Variants in ZBTB47 observed in about 807,000 individuals in gnomAD.
ZBTB47 encodes zinc finger and BTB domain containing 47, also known as zinc finger and BTB domain-containing protein 47.
A neutral mutation model predicts 56.6 loss-of-function variants in ZBTB47; 24 were observed. The observed-to-expected ratio is 0.42, with a 90% CI of 0.31 to 0.60. ZBTB47 has a LOEUF of 0.60. Ranked by LOEUF, ZBTB47 falls within the 20% of genes least tolerant of loss-of-function variation. The pLI is 0.14. For synonymous variants in ZBTB47, 414 were observed against 418.9 expected (o/e 0.99, Z 0.14); for missense variants, 829 against 1,032.6 (o/e 0.80, Z 2.70).
Position 42,665,619 on chromosome 3 carries a change from C to T in ZBTB47, c.*1021C>T, listed in dbSNP as rs1261444495. Reference sequence around the variant, plus strand: ...GTCCATCTCTGCTCCCCCAAAGGCCCGCTCTAGGCCTTATCCTCCCTCTAG... The same window carrying T: ...GTCCATCTCTGCTCCCCCAAAGGCCTGCTCTAGGCCTTATCCTCCCTCTAG... On this transcript the variant is annotated 3_prime_UTR_variant, in exon 6 of 6. Coordinates refer to ENST00000232974, the MANE Select transcript of ZBTB47 (RefSeq NM_145166.4). The T allele has an allele frequency of 6.5e-6, 1 of 152,808 alleles. No individual in the cohort carries two copies. Among genetic ancestry groups the T allele is most frequent in the Non-Finnish European group, 1.5e-5 (1 of 68,182 alleles). 9.5% of individuals were successfully genotyped at this position (152,808 alleles called of 1,614,324 possible).
rs1373912942 is a variant in ZBTB47, at chr3:42,658,600, A to G, written c.245A>G (p.Asn82Ser). The G allele has an allele frequency of 4.6e-6, 7 of 1,536,904 alleles. No individual in the cohort carries two copies. The highest frequency in any genetic ancestry group is 4.1e-5 in the African/African-American group (3 of 73,062). Residue 82 changes from asparagine (N) to serine (S), a missense_variant, in exon 2 of 6, where the codon AAC (asparagine) becomes AGC (serine). By Grantham distance (46) the Asn-to-Ser change is conservative. This residue lies in a region of ZBTB47 where 120 missense variants were observed against 200.2 expected (regional missense o/e 0.60). Coordinates refer to ENST00000232974, the MANE Select transcript of ZBTB47 (RefSeq NM_145166.4). ...ATCTATACGTCCAAGCTGCTGGTCA[A>G]CGCGGCCAACGTCCACGAGGTGCTC... ...NFIYTSKLLVNAANVHEVLSA... is the reference protein window; with the variant it reads ...NFIYTSKLLVSAANVHEVLSA...
chr3:42,664,137 G>T, intron 5 of ZBTB47, 100 bp from the exon 6 acceptor site: 1 of 1,524,012 alleles, frequency 6.6e-7, no homozygotes, highest in Non-Finnish European at 8.8e-7. Flanking sequence ...AGAGCGCCGG[G>T]GCTGGGCCCC....
Position 42,663,138 on chromosome 3 carries a change from A to T in ZBTB47, c.1737+11A>T. The T allele has an allele frequency of 6.2e-7, 1 of 1,604,686 alleles. No homozygotes were observed. Among genetic ancestry groups the T allele is most frequent in the Non-Finnish European group, 8.5e-7 (1 of 1,171,728 alleles). On this transcript the variant is annotated intron_variant, in intron 4 of 5. Coordinates refer to ENST00000232974, the MANE Select transcript of ZBTB47 (RefSeq NM_145166.4). The surrounding 1 kb of genome is among the most constrained non-coding windows in gnomAD (Gnocchi z 5.1). ...CCGTTCAGATGTGAGGTGAGCTTCC[A>T]TCTCCTGCCTGGCCTGCCCGAGGGG...
At position 42,658,693 on chromosome 3, in the gene ZBTB47, C is replaced by T; in HGVS notation, c.338C>T (p.Ser113Phe). ...ASCQELLDAR[S>F]LGPPGPGTVA... ...TGCCAAGAGCTGCTGGACGCCCGCT[C>T]TCTAGGCCCACCAGGTCCGGGCACT... The change falls in exon 2 of 6, where the codon TCT becomes TTT. Residue 113 changes from serine to phenylalanine, a missense_variant. Physicochemically the swap from Ser to Phe is radical, Grantham distance 155. Coordinates refer to ENST00000232974, the MANE Select transcript of ZBTB47 (RefSeq NM_145166.4). 6.5e-7 allele frequency: 1 copy of T among 1,536,146 alleles called. No individual in the cohort carries two copies.
In ZBTB47 at chr3:42,658,904, G is replaced by A. The variant is rs964412607; in HGVS notation, c.549G>A (p.Gly183=). 7 of 1,503,580 alleles carry A rather than the reference G, an allele frequency of 4.7e-6. No individual in the cohort carries two copies. In the African/African-American group the frequency reaches 9.7e-5, roughly 21 times the overall value. 93.1% of individuals were successfully genotyped at this position (1,503,580 alleles called of 1,614,324 possible). Residue 183 remains glycine, a synonymous_variant, in exon 2 of 6, where the codon GGG becomes GGA. Coordinates refer to ENST00000232974, the MANE Select transcript of ZBTB47 (RefSeq NM_145166.4). ...TAGGTVPATI[G]PAQPFFKEEK... is the part of the protein sequence containing the mutation. ...GTGGCACAGTGCCTGCCACCATTGG[G>A]CCAGCCCAGCCCTTCTTTAAGGAGG...
rs1416336873 is a variant in ZBTB47 at position 42,666,506 on chromosome 3, C to T, written c.*1908C>T. Among the ~76,000 whole-genome samples, 1 of 152,186 alleles carries T rather than the reference C, an allele frequency of 6.6e-6. No individual in the cohort carries two copies. The highest frequency in any genetic ancestry group is 1.5e-5 in the Non-Finnish European group (1 of 68,040). On this transcript the variant is annotated 3_prime_UTR_variant, in exon 6 of 6. Transcript: ENST00000232974. ...TATTTTTAATCTCTAGTCCCAGTGC[C>T]TGGCAGCTCTTTGGAGCTGGCTCAC...
At position 42,658,545 on chromosome 3, in the gene ZBTB47, C is replaced by T; in HGVS notation, c.190C>T (p.Pro64Ser). Residue 64 changes from proline (P) to serine (S), a missense_variant, in exon 2 of 6, where the codon CCT becomes TCT. Pro to Ser is a moderately conservative substitution (Grantham distance 74). This residue lies in a region of ZBTB47 where 120 missense variants were observed against 200.2 expected (regional missense o/e 0.60). Coordinates refer to ENST00000232974, the MANE Select transcript of ZBTB47 (RefSeq NM_145166.4). ...GGAGCTGTCCCTGGAGGCACTGGCA[C>T]CTGGTGGCCTGCAGCAGATCCTCAA... ...RVELSLEALA[P>S]GGLQQILNFI... The T allele has an allele frequency of 6.5e-7, 1 of 1,537,210 alleles. No homozygotes were observed. The highest frequency in any genetic ancestry group is 8.7e-7 in the Non-Finnish European group (1 of 1,146,932).
In ZBTB47 at chr3:42,654,801, C is replaced by T; in HGVS notation, c.-82+918C>T. 1 of 676,650 alleles carries T rather than the reference C, an allele frequency of 1.5e-6. No homozygotes were observed. Among genetic ancestry groups the T allele is most frequent in the Non-Finnish European group, 1.8e-6 (1 of 547,482 alleles). The allele number at this position is 676,650 out of a possible 1,614,324, so 41.9% of individuals were successfully genotyped here. ...GGGTGGAGGGGCTGGAGGGATCTTC[C>T]CCCCTCCCCCGGTCTCCCGGCTCCA... is the stretch of plus-strand genomic sequence containing the variant. On this transcript the variant is annotated intron_variant, in intron 1 of 5. Transcript: ENST00000232974. The surrounding 1 kb of genome is among the most constrained non-coding windows in gnomAD (Gnocchi z 5.0).
chr3:42,660,183 G>A (rs541191418), intron 2 of ZBTB47, among the ~76,000 whole-genome samples: 20 of 152,260 alleles, frequency 1.3e-4, no homozygotes, highest in Non-Finnish European at 2.8e-4. Context: ...GCCACTCTGG[G>A]TGGGATGAGT....
In ZBTB47 at chr3:42,658,910, C is replaced by G. The variant is rs1451809241; in HGVS notation, c.555C>G (p.Ala185=). The G allele has an allele frequency of 5.3e-6, 8 of 1,502,292 alleles. No individual in the cohort carries two copies. The Admixed American group carries it at 8.5e-5, about 16-fold the overall frequency. The allele number at this position is 1,502,292 out of a possible 1,614,324, so 93.1% of individuals were successfully genotyped here. ...GGTVPATIGP[A]QPFFKEEKEG... Reference sequence around the variant, plus strand: ...CAGTGCCTGCCACCATTGGGCCAGCCCAGCCCTTCTTTAAGGAGGAGAAGG... The same window carrying G: ...CAGTGCCTGCCACCATTGGGCCAGCGCAGCCCTTCTTTAAGGAGGAGAAGG... The change falls in exon 2 of 6, where the codon GCC becomes GCG. Residue 185 remains alanine, a synonymous_variant. Transcript: ENST00000232974.
rs1369097178 is a variant in ZBTB47 at position 42,654,403 on chromosome 3, G to T, written c.-82+520G>T. 1 of 151,314 alleles carries T rather than the reference G, an allele frequency of 6.6e-6. No homozygotes were observed. Among genetic ancestry groups the T allele is most frequent in the Non-Finnish European group, 1.5e-5 (1 of 67,634 alleles). 9.4% of individuals were successfully genotyped at this position (151,314 alleles called of 1,614,324 possible). A position where few individuals can be genotyped will look rare whatever the true frequency, so the allele number is the denominator to read the frequency against. Reference sequence around the variant, plus strand: ...CCGCGCCCCCCGCCGGCACGCAGGCGGCCTGGCCCTTTAAGCGTCCAGACG... The same window carrying T: ...CCGCGCCCCCCGCCGGCACGCAGGCTGCCTGGCCCTTTAAGCGTCCAGACG... On this transcript the variant is annotated intron_variant, in intron 1 of 5. Coordinates refer to ENST00000232974, the MANE Select transcript of ZBTB47 (RefSeq NM_145166.4). This position sits in a 1 kb window ranked among gnomAD's most constrained non-coding sequence, Gnocchi z 5.0.
chr3:42,662,220 C>T (rs1710729652), intron 3 of ZBTB47, among the ~76,000 whole-genome samples: 3 of 152,164 alleles, frequency 2.0e-5, no homozygotes, highest in Non-Finnish European at 4.4e-5. Context: ...TACAGCCCTG[C>T]CTTCCTTGCC....
chr3:42,661,160 T>C (rs1710712205), intron 2 of ZBTB47, among the ~76,000 whole-genome samples: 1 of 152,220 alleles, frequency 6.6e-6, no homozygotes, highest in Non-Finnish European at 1.5e-5. Flanking sequence ...GCTAGTTGTC[T>C]GCCTTACCTC....
Position 42,663,195 on chromosome 3 carries a change from A to G in ZBTB47, c.1737+68A>G. ...GGGAGGGGCAGGAATCAGGGAGCGC[A>G]GCTGCTGAAAAACAAAGGGCTAGGG... On this transcript the variant is annotated intron_variant, in intron 4 of 5. Transcript: ENST00000232974. The surrounding 1 kb of genome is among the most constrained non-coding windows in gnomAD (Gnocchi z 5.1). The G allele has an allele frequency of 8.2e-7, 1 of 1,223,854 alleles. No homozygotes were observed. Among genetic ancestry groups the G allele is most frequent in the Non-Finnish European group, 1.2e-6 (1 of 827,350 alleles). The allele number at this position is 1,223,854 out of a possible 1,614,324, so 75.8% of individuals were successfully genotyped here.
intron 1 of ZBTB47, among the ~76,000 whole-genome samples, chr3:42,655,536 C>A (rs1307001128): frequency 6.6e-6 from 1 of 152,236 alleles, no homozygotes; most frequent in Non-Finnish European, 1.5e-5. Flanking sequence ...AACCCCCTGG[C>A]AACCAGAGTG....
In ZBTB47 at chr3:42,666,656, CA is replaced by C. The variant is rs1710793151; in HGVS notation, c.*2059del. ...TGGTGGTGTCATCACCTGCTGGCCC[CA>C]CTACAGCCTGAGTAGGCCTGAGTGG... On this transcript the variant is annotated 3_prime_UTR_variant, in exon 6 of 6. Coordinates refer to ENST00000232974, the MANE Select transcript of ZBTB47 (RefSeq NM_145166.4). Among the ~76,000 whole-genome samples, 1 of 152,220 alleles carries C rather than the reference CA, an allele frequency of 6.6e-6. No individual in the cohort carries two copies. The highest frequency in any genetic ancestry group is 6.5e-5 in the Admixed American group (1 of 15,278).
upstream of ZBTB47, among the ~76,000 whole-genome samples, chr3:42,653,025 T>G (rs2125834663): frequency 6.6e-6 from 1 of 152,342 alleles, no homozygotes; most frequent in East Asian, 1.9e-4. Flanking sequence ...GCCAGCTGTC[T>G]GTGCACCCAT....
In ZBTB47 at chr3:42,654,470, C is replaced by A. The variant is rs1238990759; in HGVS notation, c.-82+587C>A. 1 of 151,642 alleles carries A rather than the reference C, an allele frequency of 6.6e-6. No individual in the cohort carries two copies. The highest frequency in any genetic ancestry group is 1.4e-5 in the Non-Finnish European group (1 of 69,136). The allele number at this position is 151,642 out of a possible 1,614,324, so 9.4% of individuals were successfully genotyped here. A position where few individuals can be genotyped will look rare whatever the true frequency, so the allele number is the denominator to read the frequency against. ...CGCGGGCTCCAATCGGCGCCCCGCG[C>A]CCCCCGCCCGCCGCGCCCGAGGCTC... is the stretch of plus-strand genomic sequence containing the variant. On this transcript the variant is annotated intron_variant, in intron 1 of 5. Transcript: ENST00000232974. This position sits in a 1 kb window ranked among gnomAD's most constrained non-coding sequence, Gnocchi z 5.0.
At chr3:42,662,970 G>C (rs1238258840) in intron 3 of ZBTB47, 42 bp from the exon 4 acceptor site, 1 of 1,487,326 alleles carries the variant, frequency 6.7e-7, no homozygotes, top group South Asian at 1.1e-5. Context: ...GGGTGCTTGG[G>C]CAGGCCCGTA....
Sources: allele counts gnomAD v4.1 joint callset (sites outside exome capture counted in the v4.1 genomes callset), GRCh38; gene constraint gnomAD v4.1.1; regional missense constraint gnomAD v4.1.1; non-coding constraint Gnocchi (gnomAD v3.1); transcripts MANE v1.5; gene names NCBI Gene and HGNC (gene_info 2026-07-23, HGNC 2026-07-21).